Variants in ZNF776 observed in about 807,000 individuals in gnomAD.
The protein encoded by ZNF776 is zinc finger protein 776.
Under a neutral mutation model 7.0 loss-of-function variants are expected in ZNF776, and 4 were observed. That is an observed-to-expected ratio of 0.57 (90% CI 0.28 to 1.31). The LOEUF is 1.31. Ranked by LOEUF, ZNF776 falls within the 50% of genes most tolerant of loss-of-function variation. The probability of loss-of-function intolerance (pLI) is 0.10; values close to 1 mark genes in which losing one functional copy is unlikely to be tolerated. For synonymous variants in ZNF776, 212 were observed against 213.7 expected, an observed-to-expected ratio of 0.99 and a Z score of 0.07; for missense variants, 555 against 625.9, an observed-to-expected ratio of 0.89 and a Z score of 1.21.
chr19:57,756,098 G>A lies in ZNF776; in HGVS notation c.*1411G>A, dbSNP rs1403149020. On this transcript the variant is annotated 3_prime_UTR_variant, in exon 3 of 3. Transcript: ENST00000317178. The stretch of plus-strand genomic sequence containing the variant: ...CACAAAAACCCTCATAATGTTTTAA[G>A]AAAGTTTACAAATTTGTGTTGGGCT... The A allele has an allele frequency of 1.3e-5, 2 of 152,146 alleles. No homozygotes were observed. The highest frequency in any genetic ancestry group is 4.8e-5 in the African/African-American group (2 of 41,426). 9.4% of individuals were successfully genotyped at this position (152,146 alleles called of 1,614,324 possible).
In ZNF776 at chr19:57,756,750, A is replaced by G. The variant is rs1986787962; in HGVS notation, c.*2063A>G. ...GCATTCTGCTCAGTACTGGTGAGGG[A>G]AATCTGTTCTCAAGTCCTACAGTGC... On this transcript the variant is annotated 3_prime_UTR_variant, in exon 3 of 3. Coordinates refer to ENST00000317178, the MANE Select transcript of ZNF776 (RefSeq NM_173632.4). 1 of 348,778 alleles carries G rather than the reference A, an allele frequency of 2.9e-6. No homozygotes were observed. Among genetic ancestry groups the G allele is most frequent in the Non-Finnish European group, 5.7e-6 (1 of 175,566 alleles). 21.6% of individuals were successfully genotyped at this position (348,778 alleles called of 1,614,324 possible).
intron 1 of ZNF776, 64 bp downstream of exon 1, chr19:57,747,155 G>A: frequency 6.6e-7 from 1 of 1,511,942 alleles, no homozygotes; most frequent in Non-Finnish European, 8.9e-7. Flanking sequence ...AAAGCAGAGA[G>A]GAAGCGGCGC....
rs1260006444 is a variant in ZNF776 at position 57,746,840 on chromosome 19, T to G, written c.-219T>G. The G allele has an allele frequency of 8.9e-6, 4 of 449,266 alleles. No individual in the cohort carries two copies. Among genetic ancestry groups the G allele is most frequent in the Admixed American group, 7.6e-5 (2 of 26,460 alleles). 27.8% of individuals were successfully genotyped at this position (449,266 alleles called of 1,614,324 possible). ...AGTGGCCATTTTGATTGGTGTTGGG[T>G]GTATTTTCCAGTGAGAGACCGCGGA... On this transcript the variant is annotated 5_prime_UTR_variant, in exon 1 of 3. Coordinates refer to ENST00000317178, the MANE Select transcript of ZNF776 (RefSeq NM_173632.4).
chr19:57,752,123 C>T (rs1986628265), intron 2 of ZNF776, among the ~76,000 whole-genome samples: 1 of 151,974 alleles, frequency 6.6e-6, no homozygotes, highest in Admixed American at 6.6e-5. Context: ...CCACCCGCCT[C>T]GGGCTCCCGG....
intron 2 of ZNF776, 38 bp downstream of exon 2, chr19:57,750,949 T>C: frequency 6.3e-7 from 1 of 1,575,370 alleles, no homozygotes; most frequent in Non-Finnish European, 8.6e-7. Context: ...CCTCAGCTAT[T>C]GTCTGTCTGT....
rs199566099 is a variant in ZNF776, at chr19:57,753,738, G to A, written c.608G>A (p.Gly203Asp). The A allele has an allele frequency of 3.1e-6, 5 of 1,614,106 alleles. No homozygotes were observed. Among genetic ancestry groups the A allele is most frequent in the Non-Finnish European group, 4.2e-6 (5 of 1,180,054 alleles). The change falls in exon 3 of 3, where the codon GGT (glycine) becomes GAT (aspartate). Residue 203 changes from glycine to aspartate, a missense_variant. Transcript: ENST00000317178. ...FETKHGIPLQ[G>D]GKTHYICGES... ...ACTAAGCATGGGATACCCCTTCAGG[G>A]TGGAAAAACTCATTACATCTGTGGA...
At position 57,747,048 on chromosome 19, in the gene ZNF776, C is replaced by T. The variant is rs761995971; in HGVS notation, c.-11C>T. 26 of 1,584,588 alleles carry T rather than the reference C, an allele frequency of 1.6e-5. No homozygotes were observed. In the African/African-American group the frequency reaches 2.7e-4, roughly 16 times the overall value. ...CCCCTCCTTTCGACCCCGCTTTCCC[C>T]ACCCAGTCGGATGGCGGCGGCCGCG... is the stretch of plus-strand genomic sequence containing the variant. On this transcript the variant is annotated 5_prime_UTR_variant, in exon 1 of 3. Coordinates refer to ENST00000317178, the MANE Select transcript of ZNF776 (RefSeq NM_173632.4).
intron 2 of ZNF776, 66 bp downstream of exon 2, chr19:57,750,977 A>G (rs2122512932): frequency 3.3e-6 from 5 of 1,512,596 alleles, no homozygotes; most frequent in Non-Finnish European, 4.4e-6. Context: ...TTTTTTCCCC[A>G]TGGCAAGACT....
intron 2 of ZNF776, among the ~76,000 whole-genome samples, chr19:57,751,435 C>T (rs781680907): frequency 6.6e-6 from 1 of 152,144 alleles, no homozygotes; most frequent in Admixed American, 6.5e-5. Context: ...AGTCATAGCT[C>T]ACTGTAGCCT....
Position 57,756,166 on chromosome 19 carries a change from G to A in ZNF776, c.*1479G>A, listed in dbSNP as rs1353830680. 2 of 152,154 alleles carry A rather than the reference G, an allele frequency of 1.3e-5. No homozygotes were observed. Among genetic ancestry groups the A allele is most frequent in the Non-Finnish European group, 2.9e-5 (2 of 68,032 alleles). 9.4% of individuals were successfully genotyped at this position (152,154 alleles called of 1,614,324 possible). ...GAGATACATGCGGCCCACAAGCTGC[G>A]GGTTGGACCAGCTTGGCCTAGAGAA... On this transcript the variant is annotated 3_prime_UTR_variant, in exon 3 of 3. Coordinates refer to ENST00000317178, the MANE Select transcript of ZNF776 (RefSeq NM_173632.4).
intron 1 of ZNF776, among the ~76,000 whole-genome samples, chr19:57,749,489 C>T (rs939440503): frequency 3.3e-5 from 5 of 152,126 alleles, no homozygotes; most frequent in African/African-American, 1.2e-4. Context: ...ATTATTGGAT[C>T]CTGTTTGAAT....
rs1986714085 is a variant in ZNF776, at chr19:57,754,519, A to G, written c.1389A>G (p.Gly463=). ...CTGGAGAAAGGCCACATGAGTGTGG[A>G]GAATGTGGGAAATGTTTTCATCAAA... ...IHSGERPHEC[G]ECGKCFHQKG... is the part of the protein sequence containing the mutation. The change falls in exon 3 of 3, where the codon GGA becomes GGG. Residue 463 remains glycine (G), a synonymous_variant. Coordinates refer to ENST00000317178, the MANE Select transcript of ZNF776 (RefSeq NM_173632.4). The G allele has an allele frequency of 1.2e-6, 2 of 1,614,196 alleles. No homozygotes were observed. The highest frequency in any genetic ancestry group is 1.6e-4 in the Middle Eastern group (1 of 6,062).
Position 57,747,100 on chromosome 19 carries a change from G to T in ZNF776, c.33+9G>T. On this transcript the variant is annotated intron_variant, in intron 1 of 2. Coordinates refer to ENST00000317178, the MANE Select transcript of ZNF776 (RefSeq NM_173632.4). The stretch of plus-strand genomic sequence containing the variant: ...TGAGGCCCCCGGCTCAGGTAATTGT[G>T]GCGTCTTCCGTGCCCTCAGGTCACC... 1.9e-6 allele frequency: 3 copies of T among 1,586,770 alleles called. No individual in the cohort carries two copies. The highest frequency in any genetic ancestry group is 2.6e-6 in the Non-Finnish European group (3 of 1,166,800).
rs371930925 is a variant in ZNF776, at chr19:57,754,731, A to G, written c.*44A>G. On this transcript the variant is annotated 3_prime_UTR_variant, in exon 3 of 3. Coordinates refer to ENST00000317178, the MANE Select transcript of ZNF776 (RefSeq NM_173632.4). ...GGTAAAAAGAGCACCCTCATTCAACATTCGTGAGATCACACTGGAAAGCAC... is the reference window on the plus strand; with the variant it reads ...GGTAAAAAGAGCACCCTCATTCAACGTTCGTGAGATCACACTGGAAAGCAC... 1.8e-5 allele frequency: 28 copies of G among 1,570,090 alleles called. No homozygotes were observed. The highest frequency in any genetic ancestry group is 2.4e-5 in the Non-Finnish European group (28 of 1,153,296).
At chr19:57,750,670 C>A in intron 1 of ZNF776, 115 bp from the exon 2 acceptor site, 1 of 1,367,530 alleles carries the variant, frequency 7.3e-7, no homozygotes, top group Non-Finnish European at 9.8e-7. Flanking sequence ...GATAGTGACA[C>A]CAGTGGGCCT....
chr19:57,753,438 T>TA lies in ZNF776; in HGVS notation c.309dup (p.His104ThrfsTer17), dbSNP rs1568476588. On this transcript the variant is annotated frameshift_variant, in exon 3 of 3. Transcript: ENST00000317178. LOFTEE classifies it low-confidence loss of function (END_TRUNC). ...TGTGGCCCTCTCCTGGGAGATATCT[T>TA]ACACCAGGGAACACAACACAATCAG... 2 of 1,614,162 alleles carry TA rather than the reference T, an allele frequency of 1.2e-6. No homozygotes were observed. Among genetic ancestry groups the TA allele is most frequent in the Non-Finnish European group, 1.7e-6 (2 of 1,180,038 alleles).
At chr19:57,751,664 A>G (rs1285908910) in intron 2 of ZNF776, among the ~76,000 whole-genome samples, 1 of 150,016 alleles carries the variant, frequency 6.7e-6, no homozygotes, top group African/African-American at 2.5e-5. Flanking sequence ...GTGTGCCCTG[A>G]GTATTTTTTG....
In ZNF776 at chr19:57,755,475, C is replaced by T. The variant is rs1326147038; in HGVS notation, c.*788C>T. 6.6e-6 allele frequency: 1 copy of T among 152,212 alleles called. No homozygotes were observed. Among genetic ancestry groups the T allele is most frequent in the African/African-American group, 2.4e-5 (1 of 41,456 alleles). 9.4% of individuals were successfully genotyped at this position (152,212 alleles called of 1,614,324 possible). A position where few individuals can be genotyped will look rare whatever the true frequency, so the allele number is the denominator to read the frequency against. ...ATCTAAATGTCTAACATATTATGCA[C>T]AGACAAGCTCCTGCTGTGGAAGTGC... is the stretch of plus-strand genomic sequence containing the variant. On this transcript the variant is annotated 3_prime_UTR_variant, in exon 3 of 3. Coordinates refer to ENST00000317178, the MANE Select transcript of ZNF776 (RefSeq NM_173632.4).
rs1256318438 is a variant in ZNF776, at chr19:57,755,169, C to T, written c.*482C>T. 1.2e-5 allele frequency: 2 copies of T among 169,192 alleles called. No individual in the cohort carries two copies. The highest frequency in any genetic ancestry group is 1.4e-4 in the South Asian group (1 of 7,272). The allele number at this position is 169,192 out of a possible 1,614,324, so 10.5% of individuals were successfully genotyped here. A position where few individuals can be genotyped will look rare whatever the true frequency, so the allele number is the denominator to read the frequency against. ...TGCGCTCCATGTTCGTAAGAGTTCA[C>T]ACTGGACAAAGCCTTATGAGAGCAG... On this transcript the variant is annotated 3_prime_UTR_variant, in exon 3 of 3. Coordinates refer to ENST00000317178, the MANE Select transcript of ZNF776 (RefSeq NM_173632.4).
Sources: gnomAD v4.1 joint callset for allele counts (sites outside exome capture counted in the v4.1 genomes callset) on GRCh38, gnomAD v4.1.1 for gene constraint, MANE v1.5 for transcripts, NCBI Gene and HGNC (gene_info 2026-07-23, HGNC 2026-07-21) for gene names.